NALCN: variants seen among roughly 807,000 people sequenced by gnomAD.
NALCN encodes the protein sodium leak channel, non-selective.
In NALCN, 111 loss-of-function variants were observed where a neutral mutation model predicts 225.3. That is an observed-to-expected ratio of 0.49 (90% confidence interval 0.42 to 0.58). The LOEUF (loss-of-function observed/expected upper bound fraction) is 0.58. NALCN is among the 20% of genes least tolerant of loss of function. The pLI, the probability that NALCN is intolerant of heterozygous loss-of-function variation, is 0.00. For synonymous variants in NALCN, 764 were observed against 769.0 expected, an observed-to-expected ratio of 0.99 and a Z score of 0.11; for missense variants, 1,378 against 2,202.4, an observed-to-expected ratio of 0.63 and a Z score of 7.49.
chr13:101,375,297 C>A (rs1209990446), intron 6 of NALCN, among the ~76,000 whole-genome samples: 7 of 152,158 alleles, frequency 4.6e-5, no homozygotes, highest in African/African-American at 1.4e-4. Flanking sequence ...CTTCCTGATG[C>A]CTCTAGAAAG....
chr13:101,180,295 T>C, intron 14 of NALCN: 1 of 142,562 alleles, frequency 7.0e-6, no homozygotes, highest in Non-Finnish European at 1.5e-5. Context: ...AGCCTCCACC[T>C]CATGGGCTCA....
chr13:101,168,893 A>G (rs1291575668), intron 15 of NALCN, among the ~76,000 whole-genome samples: 1 of 152,188 alleles, frequency 6.6e-6, no homozygotes, highest in Non-Finnish European at 1.5e-5. Context: ...CACCTAAAAA[A>G]GACTCTGCAG....
intron 1 of NALCN, among the ~76,000 whole-genome samples, chr13:101,400,576 T>TGTGTGC (rs1555347156): frequency 1.8e-5 from 2 of 109,586 alleles, no homozygotes; most frequent in African/African-American, 1.0e-4. Context: ...TGTGTGTGTG[T>TGTGTGC]GTGTGCACGT....
intron 22 of NALCN, among the ~76,000 whole-genome samples, chr13:101,105,273 C>G (rs954177003): frequency 1.3e-5 from 2 of 152,128 alleles, no homozygotes; most frequent in Non-Finnish European, 2.9e-5. Flanking sequence ...TTTAAAAACA[C>G]TCATTTGAAA....
intron 6 of NALCN, among the ~76,000 whole-genome samples, chr13:101,374,595 T>A (rs1376063871): frequency 1.3e-5 from 2 of 152,148 alleles, no homozygotes; most frequent in African/African-American, 2.4e-5. Flanking sequence ...CCCCCTCTGG[T>A]AAATTTCTAA....
rs1048815112 is a variant in NALCN at position 101,103,227 on chromosome 13, GGCA to G, written c.2999_3001del (p.Val1000_Pro1001delinsAla). The stretch of plus-strand genomic sequence containing the variant: ...TTCTCGAACAACTTTCCTCATCTGG[GGCA>G]CCAGTTTGAATATGCGCAGAGGTCT... On this transcript the variant is annotated inframe_deletion, in exon 26 of 44. Transcript: ENST00000251127. The G allele has an allele frequency of 6.2e-7, 1 of 1,613,862 alleles. No homozygotes were observed. Among genetic ancestry groups the G allele is most frequent in the Non-Finnish European group, 8.5e-7 (1 of 1,179,884 alleles).
rs369613219 is a variant in NALCN at position 101,058,050 on chromosome 13, T to C, written c.4912A>G (p.Ser1638Gly). 130 of 1,612,408 alleles carry C rather than the reference T, an allele frequency of 8.1e-5. No individual in the cohort carries two copies. Among genetic ancestry groups the C allele is most frequent in the Non-Finnish European group, 1.1e-4 (129 of 1,179,792 alleles). ...QDNSMQPETS[S>G]QQQLLSPTLS... Reference sequence around the variant, plus strand: ...GTGGGGCTCAGGAGCTGCTGCTGGCTGCTTGTCTGCATGGGAGGAGAAGCA... The same window carrying C: ...GTGGGGCTCAGGAGCTGCTGCTGGCCGCTTGTCTGCATGGGAGGAGAAGCA... The change falls in exon 43 of 44, where the codon AGC (serine) becomes GGC (glycine). Residue 1638 changes from serine to glycine, a missense_variant. Physicochemically the swap from Ser to Gly is moderately conservative, Grantham distance 56 (BLOSUM62 0). Around this residue, in one of 19 missense-constraint regions of NALCN, gnomAD observed 145 missense variants for 169.6 expected, o/e 0.85. Coordinates refer to ENST00000251127, the MANE Select transcript of NALCN (RefSeq NM_052867.4).
chr13:101,230,888 CT>C (rs565457873), intron 12 of NALCN, among the ~76,000 whole-genome samples: 551 of 152,230 alleles, frequency 3.6e-3, no homozygotes, highest in Non-Finnish European at 5.7e-3. Flanking sequence ...CATCGCATAA[CT>C]TTTGAGTCAA....
At chr13:101,260,616 GAT>G (rs745377565) in intron 10 of NALCN, among the ~76,000 whole-genome samples, 1 of 152,300 alleles carries the variant, frequency 6.6e-6, no homozygotes, top group Non-Finnish European at 1.5e-5. Flanking sequence ...TTTCTCTGAT[GAT>G]CAATGATGTT....
chr13:101,358,805 C>G (rs140213170), intron 6 of NALCN, among the ~76,000 whole-genome samples: 1 of 152,280 alleles, frequency 6.6e-6, no homozygotes, highest in Non-Finnish European at 1.5e-5. Context: ...AAATACCCAT[C>G]AAGGATAGAC....
At chr13:101,160,796 T>A (rs575685583) in intron 15 of NALCN, among the ~76,000 whole-genome samples, 12 of 152,286 alleles carry the variant, frequency 7.9e-5, no homozygotes, top group Admixed American at 4.6e-4. Flanking sequence ...CTGGCCAGCA[T>A]TGCGAGGCAA....
chr13:101,149,033 C>T (rs1049850318), intron 15 of NALCN, among the ~76,000 whole-genome samples: 13 of 152,178 alleles, frequency 8.5e-5, no homozygotes, highest in African/African-American at 2.9e-4. Context: ...GTGGCTCACG[C>T]CTGTAATCCC....
chr13:101,268,268 A>T (rs1018132919), intron 10 of NALCN, among the ~76,000 whole-genome samples: 1 of 152,012 alleles, frequency 6.6e-6, no homozygotes, highest in African/African-American at 2.4e-5. Flanking sequence ...CTCCACCTTC[A>T]TGTTTACTGA....
chr13:101,107,283 C>T (rs960805314), intron 22 of NALCN, among the ~76,000 whole-genome samples: 3 of 152,162 alleles, frequency 2.0e-5, no homozygotes, highest in African/African-American at 4.8e-5. Flanking sequence ...TTTATCAATG[C>T]GAGTTTTCTA....
chr13:101,170,760 G>A (rs60206700), intron 15 of NALCN, among the ~76,000 whole-genome samples: 1,530 of 152,186 alleles, frequency 0.01, 26 homozygotes, highest in African/African-American at 0.035. Context: ...ATACAGGGCT[G>A]GGTAAACAGT....
intron 1 of NALCN, among the ~76,000 whole-genome samples, chr13:101,415,644 G>A (rs891840492): frequency 6.6e-6 from 1 of 152,212 alleles, no homozygotes; most frequent in Non-Finnish European, 1.5e-5. Context: ...GTGTTGCTTG[G>A]CAGGACACTG....
chr13:101,344,684 C>T (rs2139295557), intron 7 of NALCN, among the ~76,000 whole-genome samples: 1 of 152,266 alleles, frequency 6.6e-6, no homozygotes, highest in South Asian at 2.1e-4. Context: ...TATGTAATGG[C>T]ACATTTTAGG....
At chr13:101,072,235 C>T (rs1378832652) in intron 37 of NALCN, among the ~76,000 whole-genome samples, 3 of 152,182 alleles carry the variant, frequency 2.0e-5, no homozygotes, top group East Asian at 1.9e-4. Flanking sequence ...CCTGATAGAC[C>T]TGCTCCACAC....
rs72650848 is a variant in NALCN, at chr13:101,089,255, C to A, written c.3489+408G>T. 3.0e-3 allele frequency among the ~76,000 whole-genome samples: 461 copies of A among 152,260 alleles called. 4 individuals are homozygous for A. In the Middle Eastern group the frequency reaches 0.034, roughly 11 times the overall value. The stretch of plus-strand genomic sequence containing the variant: ...GAAATTTCTACCAGACTCCCCTCAC[C>A]CCCATCAAAATCCTGAGTTCACCTA... On this transcript the variant is annotated intron_variant, in intron 30 of 43. Coordinates refer to ENST00000251127, the MANE Select transcript of NALCN (RefSeq NM_052867.4). This position sits in a 1 kb window ranked among gnomAD's most constrained non-coding sequence, Gnocchi z 4.7.
Sources: gnomAD v4.1 joint callset for allele counts (sites outside exome capture counted in the v4.1 genomes callset) on GRCh38, gnomAD v4.1.1 for gene constraint, gnomAD v4.1.1 regional missense constraint, Gnocchi (gnomAD v3.1) non-coding constraint, MANE v1.5 for transcripts, NCBI Gene and HGNC (gene_info 2026-07-23, HGNC 2026-07-21) for gene names.